NGF: variants seen among roughly 807,000 people sequenced by gnomAD.
NGF encodes beta-nerve growth factor.
A neutral mutation model predicts 12.8 loss-of-function variants in NGF; 4 were observed. The ratio of observed to expected loss-of-function variants is 0.31; its 90% CI spans 0.15 to 0.72. The LOEUF (loss-of-function observed/expected upper bound fraction) is 0.72. NGF is among the 30% of genes least tolerant of loss of function. NGF has a pLI of 0.69. For missense variants in NGF, 283 were observed against 330.8 expected (o/e 0.86, Z 1.12); for synonymous variants, 140 against 130.0 (o/e 1.08, Z -0.52).
rs189137336 is a variant in NGF, at chr1:115,311,389, C to T, written c.-136-17639G>A. ...GGCTCTTAAATGTATGCTCAGTAAA[C>T]AGACAGCACCTCTGATGCTTTATGT... On this transcript the variant is annotated intron_variant, in intron 1 of 2. Coordinates refer to ENST00000369512, the MANE Select transcript of NGF (RefSeq NM_002506.3). 5.3e-4 allele frequency among the ~76,000 whole-genome samples: 80 copies of T among 152,242 alleles called. No homozygotes were observed. In the East Asian group the frequency reaches 8.2e-3, roughly 16 times the overall value.
At chr1:115,335,267 A>G (rs1655077389) in intron 1 of NGF, among the ~76,000 whole-genome samples, 1 of 152,220 alleles carries the variant, frequency 6.6e-6, no homozygotes. Flanking sequence ...CCATTCACAT[A>G]TCAGCCTCAG....
intron 1 of NGF, among the ~76,000 whole-genome samples, chr1:115,322,007 G>A (rs1654644730): frequency 6.6e-6 from 1 of 152,154 alleles, no homozygotes; most frequent in Middle Eastern, 3.2e-3. Context: ...ACCAATTTTG[G>A]TGGACCCAAA....
intron 1 of NGF, among the ~76,000 whole-genome samples, chr1:115,317,807 T>A (rs1477424681): frequency 1.3e-5 from 2 of 152,240 alleles, no homozygotes; most frequent in Non-Finnish European, 2.9e-5. Flanking sequence ...CTGTAACATT[T>A]GGAAAATTAT....
At chr1:115,308,476 G>A (rs6658541) in intron 1 of NGF, among the ~76,000 whole-genome samples, 9 of 152,166 alleles carry the variant, frequency 5.9e-5, no homozygotes, top group South Asian at 4.1e-4. Flanking sequence ...GCTGCTCTCC[G>A]TCATTACAGG....
chr1:115,302,015 T>C (rs912882064), intron 1 of NGF, among the ~76,000 whole-genome samples: 3 of 152,238 alleles, frequency 2.0e-5, no homozygotes, highest in Non-Finnish European at 4.4e-5. Context: ...CTGGATTAAC[T>C]TCTTGAGGTC....
At chr1:115,287,094 G>C (rs1156288924) in intron 2 of NGF, among the ~76,000 whole-genome samples, 1 of 152,222 alleles carries the variant, frequency 6.6e-6, no homozygotes, top group Non-Finnish European at 1.5e-5. Context: ...TGAGCTTGGA[G>C]ACATCACTTA....
At chr1:115,325,370 T>C (rs1654745177) in intron 1 of NGF, among the ~76,000 whole-genome samples, 1 of 152,154 alleles carries the variant, frequency 6.6e-6, no homozygotes, top group South Asian at 2.1e-4. Context: ...ATTTTTTTGT[T>C]GCAGGTGCTT....
chr1:115,333,521 A>AAAAAAAAC, intron 1 of NGF, among the ~76,000 whole-genome samples: 1 of 151,240 alleles, frequency 6.6e-6, no homozygotes, highest in African/African-American at 2.4e-5. Context: ...AAAAAAAAAA[A>AAAAAAAAC]AGACTTCCCG....
intron 1 of NGF, among the ~76,000 whole-genome samples, chr1:115,330,595 G>A (rs1654891764): frequency 6.6e-6 from 1 of 152,164 alleles, no homozygotes; most frequent in South Asian, 2.1e-4. Context: ...CCTGGTTTGG[G>A]ATTTCAGGGA....
intron 1 of NGF, among the ~76,000 whole-genome samples, chr1:115,296,765 T>C (rs2101028926): frequency 6.6e-6 from 1 of 152,376 alleles, no homozygotes; most frequent in South Asian, 2.1e-4. Context: ...ATTGTTGTCA[T>C]TGTTTTTAGT....
At chr1:115,290,683 C>A (rs919876708) in intron 2 of NGF, among the ~76,000 whole-genome samples, 1 of 152,188 alleles carries the variant, frequency 6.6e-6, no homozygotes, top group African/African-American at 2.4e-5. Context: ...TAAGCCACCA[C>A]GCCCTGCCCC....
At chr1:115,321,336 C>G (rs1654617625) in intron 1 of NGF, among the ~76,000 whole-genome samples, 1 of 152,132 alleles carries the variant, frequency 6.6e-6, no homozygotes, top group Admixed American at 6.5e-5. Context: ...ATGAACTGAG[C>G]CCTGGGCTGG....
chr1:115,303,973 C>G (rs1654122652), intron 1 of NGF, among the ~76,000 whole-genome samples: 1 of 152,156 alleles, frequency 6.6e-6, no homozygotes, highest in Non-Finnish European at 1.5e-5. Flanking sequence ...ATACTATTTT[C>G]TAGCACTCAT....
At chr1:115,324,361 T>C (rs1375474808) in intron 1 of NGF, among the ~76,000 whole-genome samples, 3 of 152,164 alleles carry the variant, frequency 2.0e-5, no homozygotes, top group African/African-American at 7.2e-5. Context: ...TTTTGTCCCT[T>C]ATCTGCCTTC....
intron 1 of NGF, among the ~76,000 whole-genome samples, chr1:115,335,178 C>G (rs1655074893): frequency 6.6e-6 from 1 of 152,210 alleles, no homozygotes; most frequent in Admixed American, 6.5e-5. Flanking sequence ...AAGGTTTATT[C>G]TCCTCGGCTC....
chr1:115,314,954 A>G (rs944671357), intron 1 of NGF, among the ~76,000 whole-genome samples: 7 of 152,216 alleles, frequency 4.6e-5, no homozygotes, highest in African/African-American at 1.4e-4. Context: ...TGATGAGGCA[A>G]TGTTTACAAA....
intron 1 of NGF, among the ~76,000 whole-genome samples, chr1:115,318,769 G>A (rs1654539790): frequency 6.6e-6 from 1 of 152,060 alleles, no homozygotes; most frequent in Non-Finnish European, 1.5e-5. Context: ...GCCCTTCCGA[G>A]AGCATTTCCC....
At position 115,294,639 on chromosome 1, in the gene NGF, C is replaced by T. The variant is rs542381184; in HGVS notation, c.-136-889G>A. On this transcript the variant is annotated intron_variant, in intron 1 of 2. Transcript: ENST00000369512. Reference sequence around the variant, plus strand: ...GATAGAGAGCAACTGCAGGATGTATCGAGGGGCCACTGTAGACAGGACGCT... The same window carrying T: ...GATAGAGAGCAACTGCAGGATGTATTGAGGGGCCACTGTAGACAGGACGCT... Among the ~76,000 whole-genome samples, 122 of 152,280 alleles carry T rather than the reference C, an allele frequency of 8.0e-4. 1 individual carries two copies. The highest frequency in any genetic ancestry group is 2.8e-3 in the African/African-American group (117 of 41,546).
intron 1 of NGF, among the ~76,000 whole-genome samples, chr1:115,295,427 C>T (rs1207680056): frequency 6.6e-6 from 1 of 152,122 alleles, no homozygotes; most frequent in Non-Finnish European, 1.5e-5. Context: ...TGACAAAGAA[C>T]ATTTTCATGC....
Sources: gnomAD v4.1 joint callset for allele counts (sites outside exome capture counted in the v4.1 genomes callset) on GRCh38, gnomAD v4.1.1 for gene constraint, MANE v1.5 for transcripts, NCBI Gene and HGNC (gene_info 2026-07-23, HGNC 2026-07-21) for gene names.